COQ3: variants seen among roughly 807,000 people sequenced by gnomAD.
The protein encoded by COQ3 is coenzyme Q3, methyltransferase.
A neutral mutation model predicts 33.1 loss-of-function variants in COQ3; 29 were observed. That is an observed-to-expected ratio of 0.88 (90% CI 0.65 to 1.19). The LOEUF (loss-of-function observed/expected upper bound fraction) is 1.19, where lower values mean the gene tolerates loss of function less well. COQ3 is among the 50% of genes most tolerant of loss of function. COQ3 has a pLI of 0.00. For missense variants in COQ3, 437 were observed against 430.7 expected (o/e 1.01, Z -0.13); for synonymous variants, 173 against 157.8 (o/e 1.10, Z -0.72).
intron 4 of COQ3, among the ~76,000 whole-genome samples, chr6:99,376,617 A>T (rs1290620548): frequency 6.6e-6 from 1 of 152,228 alleles, no homozygotes; most frequent in Non-Finnish European, 1.5e-5. Flanking sequence ...ATGATTTTTC[A>T]TAGCTAATTC....
chr6:99,378,021 C>T (rs186487337), intron 3 of COQ3, among the ~76,000 whole-genome samples: 6 of 149,740 alleles, frequency 4.0e-5, no homozygotes, highest in East Asian at 2.0e-4. Flanking sequence ...AAGATAATCA[C>T]GGTTAATACT....
At chr6:99,373,023 C>CTATAT in intron 5 of COQ3, among the ~76,000 whole-genome samples, 1 of 152,256 alleles carries the variant, frequency 6.6e-6, no homozygotes, top group East Asian at 1.9e-4. Flanking sequence ...ATATCATACA[C>CTATAT]TATATTATCA....
intron 5 of COQ3, among the ~76,000 whole-genome samples, chr6:99,374,930 T>A (rs748445288): frequency 2.0e-4 from 30 of 152,284 alleles, no homozygotes; most frequent in Admixed American, 3.9e-4. Flanking sequence ...TTAATTAAAC[T>A]TATGCTAATA....
rs775669022 is a variant in COQ3, at chr6:99,369,611, G to A, written c.1099C>T (p.Leu367=). ...TTCTCAGAAACAATTCATTTCTTCAGCTTTTCATGCACAGCTGGATTGGTG... is the reference window on the plus strand; with the variant it reads ...TTCTCAGAAACAATTCATTTCTTCAACTTTTCATGCACAGCTGGATTGGTG... ...ACTNPAVHEK[L]KK Residue 367 remains leucine, a synonymous_variant, in exon 7 of 7, where the codon CTG becomes TTG. Transcript: ENST00000254759. 1.9e-6 allele frequency: 3 copies of A among 1,612,242 alleles called. No individual in the cohort carries two copies. The highest frequency in any genetic ancestry group is 1.3e-5 in the African/African-American group (1 of 74,954).
intron 5 of COQ3, 81 bp from the exon 6 acceptor site, chr6:99,371,668 C>T (rs1774149331): frequency 3.4e-6 from 3 of 889,710 alleles, no homozygotes; most frequent in Non-Finnish European, 5.2e-6. Flanking sequence ...CCCCCTCCCT[C>T]CTCCTTTCTT....
chr6:99,386,777 A>C (rs1774664187), intron 1 of COQ3, among the ~76,000 whole-genome samples: 1 of 152,242 alleles, frequency 6.6e-6, no homozygotes, highest in Non-Finnish European at 1.5e-5. Context: ...ACTACTAAAG[A>C]AATTGGATTC....
chr6:99,373,014 T>C (rs188135890), intron 5 of COQ3, among the ~76,000 whole-genome samples: 110 of 152,252 alleles, frequency 7.2e-4, no homozygotes, highest in African/African-American at 2.4e-3. Context: ...AAAACAAAAA[T>C]ATCATACACT....
chr6:99,388,967 T>C (rs189792254), intron 1 of COQ3, among the ~76,000 whole-genome samples: 5 of 151,328 alleles, frequency 3.3e-5, no homozygotes, highest in Admixed American at 3.3e-4. Flanking sequence ...AATGAGTGCA[T>C]GTACAGTTGG....
At position 99,394,157 on chromosome 6, in the gene COQ3, C is replaced by T; in HGVS notation, c.23G>A (p.Gly8Asp). 1.2e-6 allele frequency: 2 copies of T among 1,605,384 alleles called. No homozygotes were observed. Among genetic ancestry groups the T allele is most frequent in the South Asian group, 1.1e-5 (1 of 90,672 alleles). MWSGRKL[G>D]SSGGWFLRVL... ...TCTTAAAAACCAACCCCCGGAGGAG[C>T]CCAGCTTACGGCCACTCCACATCGC... Residue 8 changes from glycine (G) to aspartate (D), a missense_variant, in exon 1 of 7, where the codon GGC becomes GAC. Gly to Asp is a moderately conservative substitution (Grantham distance 94). Coordinates refer to ENST00000254759, the MANE Select transcript of COQ3 (RefSeq NM_017421.4).
Position 99,383,710 on chromosome 6 carries a change from A to C in COQ3, c.221T>G (p.Ile74Arg). The C allele has an allele frequency of 6.3e-7, 1 of 1,587,132 alleles. No homozygotes were observed. Among genetic ancestry groups the C allele is most frequent in the East Asian group, 2.3e-5 (1 of 44,148 alleles). The change falls in exon 2 of 7, where the codon ATA (isoleucine) becomes AGA (arginine). Residue 74 changes from isoleucine to arginine, a missense_variant. By Grantham distance (97) the Ile-to-Arg change is moderately conservative. Coordinates refer to ENST00000254759, the MANE Select transcript of COQ3 (RefSeq NM_017421.4). ...ATAATAAACCCACCTGAAACTCTTT[A>C]TTCTGTTCAAACAGGAAAAGATCGT... ...YRTIFSCLNRIKSFRYPWARL... is the reference protein window; with the variant it reads ...YRTIFSCLNRRKSFRYPWARL...
intron 1 of COQ3, among the ~76,000 whole-genome samples, chr6:99,391,828 T>C (rs939020698): frequency 3.9e-5 from 6 of 152,002 alleles, no homozygotes; most frequent in Admixed American, 3.3e-4. Context: ...GTGAAACCCC[T>C]TCTCTACTAA....
chr6:99,385,049 T>A (rs1174574062), intron 1 of COQ3, among the ~76,000 whole-genome samples: 1 of 152,190 alleles, frequency 6.6e-6, no homozygotes, highest in Non-Finnish European at 1.5e-5. Flanking sequence ...AGGCAGAGGC[T>A]GCAGTGAGCT....
chr6:99,382,258 G>A (rs1280430303), intron 2 of COQ3, among the ~76,000 whole-genome samples: 3 of 152,130 alleles, frequency 2.0e-5, no homozygotes, highest in Non-Finnish European at 4.4e-5. Context: ...GATCAAACAG[G>A]AGTAAAGAGG....
At chr6:99,380,845 T>A (rs1179747944) in intron 2 of COQ3, among the ~76,000 whole-genome samples, 1 of 152,086 alleles carries the variant, frequency 6.6e-6, no homozygotes, top group Non-Finnish European at 1.5e-5. Flanking sequence ...AGGTGGAGGT[T>A]GCAGTGAGTA....
Position 99,381,381 on chromosome 6 carries a change from T to A in COQ3, c.234-1040A>T, listed in dbSNP as rs116428557. Among the ~76,000 whole-genome samples, 1,279 of 152,294 alleles carry A rather than the reference T, an allele frequency of 8.4e-3. 16 individuals carry two copies. Among genetic ancestry groups the A allele is most frequent in the African/African-American group, 0.029 (1,187 of 41,548 alleles). On this transcript the variant is annotated intron_variant, in intron 2 of 6. Coordinates refer to ENST00000254759, the MANE Select transcript of COQ3 (RefSeq NM_017421.4). ...TTAGCATAGTTTACAAAGTTCTGAA[T>A]TATTTAGTTCCCAGTTTTCTCCCTT...
intron 5 of COQ3, among the ~76,000 whole-genome samples, chr6:99,374,581 GTAATAATAA>G (rs1198135635): frequency 6.6e-6 from 1 of 152,118 alleles, no homozygotes; most frequent in Admixed American, 6.6e-5. Context: ...AGTCAGTATA[GTAATAATAA>G]TAATACTTTA....
chr6:99,384,763 G>A (rs1774570547), intron 1 of COQ3, among the ~76,000 whole-genome samples: 1 of 152,046 alleles, frequency 6.6e-6, no homozygotes, highest in South Asian at 2.1e-4. Context: ...ACAAAGAGGG[G>A]CATTACATCA....
Position 99,394,161 on chromosome 6 carries a change from G to C in COQ3, c.19C>G (p.Leu7Val), listed in dbSNP as rs201037643. ...AAAAACCAACCCCCGGAGGAGCCCA[G>C]CTTACGGCCACTCCACATCGCGACA... MWSGRK[L>V]GSSGGWFLRV... Residue 7 changes from leucine (L) to valine (V), a missense_variant, in exon 1 of 7, where the codon CTG becomes GTG. Leu to Val is a conservative substitution (Grantham distance 32). Transcript: ENST00000254759. The C allele has an allele frequency of 3.1e-6, 5 of 1,601,758 alleles. No individual in the cohort carries two copies. The Admixed American group carries it at 8.6e-5, about 28-fold the overall frequency.
intron 1 of COQ3, among the ~76,000 whole-genome samples, chr6:99,388,168 AAAAAT>A (rs995136408): frequency 2.0e-5 from 3 of 152,156 alleles, no homozygotes; most frequent in African/African-American, 4.8e-5. Context: ...CCATCTCCAA[AAAAAT>A]AAAATAAAAT....
Sources: gnomAD v4.1 joint callset for allele counts (sites outside exome capture counted in the v4.1 genomes callset) on GRCh38, gnomAD v4.1.1 for gene constraint, MANE v1.5 for transcripts, NCBI Gene and HGNC (gene_info 2026-07-23, HGNC 2026-07-21) for gene names.